The following ZFYVE28 variants were observed in gnomAD, a reference collection of about 807,000 sequenced individuals.
ZFYVE28 encodes the protein zinc finger FYVE-type containing 28.
In ZFYVE28, 40 loss-of-function variants were observed where a neutral mutation model predicts 82.1. The observed-to-expected ratio is 0.49, with a 90% confidence interval of 0.38 to 0.63. The LOEUF is 0.63. Among genes scored for constraint, ZFYVE28 ranks in the 30% least tolerant of loss-of-function variants. The probability of loss-of-function intolerance (pLI) is 0.00; values close to 1 mark genes in which losing one functional copy is unlikely to be tolerated. For synonymous variants in ZFYVE28, 612 were observed against 546.1 expected (o/e 1.12, Z -1.68); for missense variants, 1,321 against 1,242.1 (o/e 1.06, Z -0.96).
intron 12 of ZFYVE28, 114 bp downstream of exon 12, chr4:2,271,197 C>T: frequency 9.0e-7 from 1 of 1,109,328 alleles, no homozygotes; most frequent in African/African-American, 1.5e-5. Context: ...CTGCACAAGA[C>T]CCCACAGGCC....
At chr4:2,364,348 GTGT>G (rs1208928711) in intron 1 of ZFYVE28, 1 of 709,766 alleles carries the variant, frequency 1.4e-6, no homozygotes, top group Non-Finnish European at 1.7e-6. Context: ...GGAACCACAG[GTGT>G]TGTGGGGCCA....
At chr4:2,368,862 G>A (rs1727195159) in intron 1 of ZFYVE28, among the ~76,000 whole-genome samples, 1 of 152,218 alleles carries the variant, frequency 6.6e-6, no homozygotes. Flanking sequence ...GCACTTCTGT[G>A]TTTAACTTTT....
chr4:2,330,605 A>G, intron 6 of ZFYVE28: 1 of 1,293,778 alleles, frequency 7.7e-7, no homozygotes, highest in South Asian at 1.6e-5. Flanking sequence ...AGAGGAGGGA[A>G]CAGCATAGAC....
In ZFYVE28 at chr4:2,335,816, G is replaced by C; in HGVS notation, c.612-22C>G. 1 of 1,547,058 alleles carries C rather than the reference G, an allele frequency of 6.5e-7. No homozygotes were observed. The highest frequency in any genetic ancestry group is 8.7e-7 in the Non-Finnish European group (1 of 1,143,330). On this transcript the variant is annotated intron_variant, in intron 5 of 12. Coordinates refer to ENST00000290974, the MANE Select transcript of ZFYVE28 (RefSeq NM_020972.3). This position sits in a 1 kb window ranked among gnomAD's most constrained non-coding sequence, Gnocchi z 5.8. ...GGCCCTGTCCGGGGAGACGGACAGTGAGCAGCATGAGGGCTGGCCCACCAC... is the reference window on the plus strand; with the variant it reads ...GGCCCTGTCCGGGGAGACGGACAGTCAGCAGCATGAGGGCTGGCCCACCAC...
chr4:2,408,770 G>A lies in ZFYVE28; in HGVS notation c.39+9515C>T, dbSNP rs1732197506. 6.6e-6 allele frequency among the ~76,000 whole-genome samples: 1 copy of A among 152,050 alleles called. No homozygotes were observed. Among genetic ancestry groups the A allele is most frequent in the African/African-American group, 2.4e-5 (1 of 41,390 alleles). On this transcript the variant is annotated intron_variant, in intron 1 of 12. Transcript: ENST00000290974. This position sits in a 1 kb window ranked among gnomAD's most constrained non-coding sequence, Gnocchi z 4.3. Reference sequence around the variant, plus strand: ...CTATCCAGATGGCCCCACACTGTGAGTCCTGCCCATATAAGCCCCACCTAG... The same window carrying A: ...CTATCCAGATGGCCCCACACTGTGAATCCTGCCCATATAAGCCCCACCTAG...
chr4:2,399,083 A>AGGTGAGATCCAGGGCACAGGCGTGG (rs1297197658), intron 1 of ZFYVE28, among the ~76,000 whole-genome samples: 1 of 117,502 alleles, frequency 8.5e-6, no homozygotes, highest in Non-Finnish European at 1.7e-5. Context: ...CACAAGCGTG[A>AGGTGAGATCCAGGGCACAGGCGTGG]AGGTGAGATC....
intron 6 of ZFYVE28, among the ~76,000 whole-genome samples, chr4:2,334,138 T>C (rs944629858): frequency 2.0e-5 from 3 of 152,138 alleles, no homozygotes; most frequent in African/African-American, 7.2e-5. Flanking sequence ...TCTGGTTTGC[T>C]AACTTTGTGA....
chr4:2,308,494 G>A (rs1455069332), intron 7 of ZFYVE28, among the ~76,000 whole-genome samples: 1 of 126,540 alleles, frequency 7.9e-6, no homozygotes, highest in Non-Finnish European at 1.6e-5. Context: ...ATTTCTACAA[G>A]GAAGGAAGGA....
At chr4:2,360,389 T>TCACACACACA (rs10545681) in intron 1 of ZFYVE28, among the ~76,000 whole-genome samples, 1,674 of 143,358 alleles carry the variant, frequency 0.012, 17 homozygotes, top group East Asian at 0.048. Context: ...AGAGCTGTAA[T>TCACACACACA]CACACACACA....
chr4:2,338,348 G>C (rs1349432547), intron 4 of ZFYVE28, among the ~76,000 whole-genome samples: 2 of 152,246 alleles, frequency 1.3e-5, no homozygotes, highest in East Asian at 3.8e-4. Flanking sequence ...AGCACTTTGG[G>C]AGGCCAAGGC....
At chr4:2,352,960 C>A (rs974156193) in intron 2 of ZFYVE28, among the ~76,000 whole-genome samples, 2 of 152,216 alleles carry the variant, frequency 1.3e-5, no homozygotes, top group Non-Finnish European at 2.9e-5. Context: ...GGGCCCCCAG[C>A]ACCTGTCCCC....
At position 2,271,341 on chromosome 4, in the gene ZFYVE28, G is replaced by A. The variant is rs200904771; in HGVS notation, c.2502C>T (p.Arg834=). 1.2e-6 allele frequency: 2 copies of A among 1,612,940 alleles called. No individual in the cohort carries two copies. Among genetic ancestry groups the A allele is most frequent in the Middle Eastern group, 1.7e-4 (1 of 6,060 alleles). The change falls in exon 12 of 13, where the codon CGC becomes CGT. Residue 834 remains arginine (R), a synonymous_variant. Transcript: ENST00000290974. ...TACKAPFTVI[R]RKHHCRSCGK... ...CACAGCTGCGGCAGTGGTGCTTCCG[G>A]CGGATGACGGTGAAGGGTGCTTTGC...
chr4:2,345,826 G>C (rs1311429135), intron 2 of ZFYVE28, among the ~76,000 whole-genome samples: 1 of 151,776 alleles, frequency 6.6e-6, no homozygotes, highest in South Asian at 2.1e-4. Context: ...AAGGAACAAA[G>C]ACAAAAATGG....
At chr4:2,350,002 G>C (rs1320987614) in intron 2 of ZFYVE28, among the ~76,000 whole-genome samples, 2 of 150,230 alleles carry the variant, frequency 1.3e-5, no homozygotes, top group African/African-American at 2.4e-5. Flanking sequence ...CTTTGTACTG[G>C]AATTCTAGCT....
At chr4:2,350,823 G>A (rs151329450) in intron 2 of ZFYVE28, among the ~76,000 whole-genome samples, 26 of 152,312 alleles carry the variant, frequency 1.7e-4, no homozygotes, top group African/African-American at 4.8e-4. Flanking sequence ...TTGGGCTGGC[G>A]AACACATCCG....
chr4:2,409,250 C>T lies in ZFYVE28; in HGVS notation c.39+9035G>A, dbSNP rs1732257032. On this transcript the variant is annotated intron_variant, in intron 1 of 12. Transcript: ENST00000290974. The surrounding 1 kb of genome is among the most constrained non-coding windows in gnomAD (Gnocchi z 4.4). ...TCCCCCAGCCAGGTCCCACCCCCAC[C>T]AGGCCCAGATCCATCTACTTTCTCC... 6.6e-6 allele frequency among the ~76,000 whole-genome samples: 1 copy of T among 151,790 alleles called. No homozygotes were observed. Among genetic ancestry groups the T allele is most frequent in the Admixed American group, 6.6e-5 (1 of 15,244 alleles).
intron 1 of ZFYVE28, among the ~76,000 whole-genome samples, chr4:2,404,451 C>T (rs984722990): frequency 5.5e-5 from 1 of 18,202 alleles, no homozygotes; most frequent in Non-Finnish European, 1.1e-4. Flanking sequence ...TGGAGACTAC[C>T]CAAATGTCCA....
intron 1 of ZFYVE28, among the ~76,000 whole-genome samples, chr4:2,375,966 T>G (rs967726935): frequency 6.6e-6 from 1 of 151,826 alleles, no homozygotes; most frequent in Admixed American, 6.6e-5. Flanking sequence ...CTCTGCCTCC[T>G]GGGTTCAAGT....
intron 8 of ZFYVE28, among the ~76,000 whole-genome samples, chr4:2,291,688 C>T (rs1182177498): frequency 6.6e-6 from 1 of 152,208 alleles, no homozygotes; most frequent in Non-Finnish European, 1.5e-5. Flanking sequence ...CACTACAGGC[C>T]TGGACTCTGC....
Sources: allele counts gnomAD v4.1 joint callset (sites outside exome capture counted in the v4.1 genomes callset), GRCh38; gene constraint gnomAD v4.1.1; non-coding constraint Gnocchi (gnomAD v3.1); transcripts MANE v1.5; gene names NCBI Gene and HGNC (gene_info 2026-07-23, HGNC 2026-07-21).